MAGEA11: variants seen among roughly 807,000 people sequenced by gnomAD.
MAGEA11 encodes melanoma-associated antigen 11.
In MAGEA11, 1 loss-of-function variant was observed where a neutral mutation model predicts 8.4. The ratio of observed to expected loss-of-function variants is 0.12; its 90% confidence interval spans 0.04 to 0.57. MAGEA11 has a LOEUF of 0.57. Among genes scored for constraint, MAGEA11 ranks in the 20% least tolerant of loss-of-function variants. MAGEA11 has a pLI of 0.91. For synonymous variants in MAGEA11, 127 were observed against 119.3 expected, an observed-to-expected ratio of 1.06 and a Z score of -0.42; for missense variants, 209 against 317.3, an observed-to-expected ratio of 0.66 and a Z score of 2.59.
upstream of MAGEA11, among the ~76,000 whole-genome samples, chrX:149,710,223 G>A (rs2090393818): frequency 8.9e-6 from 1 of 111,958 alleles, no homozygotes; most frequent in Non-Finnish European, 1.9e-5. Context: ...TACCTAACAA[G>A]AAGACTAACA....
chrX:149,690,613 T>C (rs983289020), intron 1 of MAGEA11, among the ~76,000 whole-genome samples: 11 of 112,823 alleles, frequency 9.7e-5, no homozygotes, highest in Admixed American at 2.8e-4. Context: ...AGCCACATCA[T>C]ACATTGCTAT....
At chrX:149,693,872 T>G (rs2090320145) in intron 1 of MAGEA11, among the ~76,000 whole-genome samples, 1 of 112,422 alleles carries the variant, frequency 8.9e-6, no homozygotes, top group African/African-American at 3.2e-5. Flanking sequence ...ATTTTTAAAC[T>G]TCATTCATGT....
intron 1 of MAGEA11, among the ~76,000 whole-genome samples, chrX:149,704,806 A>G (rs2090369524): frequency 8.9e-6 from 1 of 112,502 alleles, no homozygotes; most frequent in Non-Finnish European, 1.9e-5. Flanking sequence ...TTCTCAGCAG[A>G]TTAGATGACT....
At chrX:149,700,884 A>G (rs1395476109) in intron 1 of MAGEA11, among the ~76,000 whole-genome samples, 6 of 105,566 alleles carry the variant, frequency 5.7e-5, no homozygotes, top group Non-Finnish European at 9.7e-5. Flanking sequence ...GTCCCTACAA[A>G]GGACATGAAC....
chrX:149,710,514 A>G (rs2124300183), upstream of MAGEA11, among the ~76,000 whole-genome samples: 1 of 111,745 alleles, frequency 8.9e-6, no homozygotes. Flanking sequence ...AGTGGTGTGA[A>G]CACAGCTCAC....
intron 1 of MAGEA11, among the ~76,000 whole-genome samples, chrX:149,703,170 A>G (rs1489498675): frequency 4.5e-5 from 5 of 112,307 alleles, no homozygotes; most frequent in Admixed American, 1.9e-4. Context: ...TTCTGGGCAC[A>G]TAAGATTGCC....
intron 1 of MAGEA11, among the ~76,000 whole-genome samples, chrX:149,689,290 C>A (rs1290856584): frequency 9.0e-6 from 1 of 111,139 alleles, no homozygotes; most frequent in Admixed American, 9.6e-5. Context: ...CTCTTCTAAT[C>A]TAGTGTGTTC....
intron 1 of MAGEA11, among the ~76,000 whole-genome samples, chrX:149,692,824 C>T (rs1314147254): frequency 1.8e-4 from 20 of 111,750 alleles, no homozygotes; most frequent in East Asian, 1.4e-3. Flanking sequence ...CTGCTGTTCT[C>T]GTGATAGTGA....
At chrX:149,696,572 G>A (rs1298896273) in intron 1 of MAGEA11, among the ~76,000 whole-genome samples, 1 of 110,766 alleles carries the variant, frequency 9.0e-6, no homozygotes, top group Non-Finnish European at 1.9e-5. Flanking sequence ...GATGACCTGG[G>A]GCAAATCCGA....
rs200117328 is a variant in MAGEA11 at position 149,716,356 on chromosome X, C to A, written c.870C>A (p.Val290=). 2.5e-6 allele frequency: 3 copies of A among 1,209,883 alleles called. No homozygotes were observed. The African/African-American group carries it at 5.2e-5, about 21-fold the overall frequency. Residue 290 remains valine, a synonymous_variant, in exon 5 of 5, where the codon GTC becomes GTA. Transcript: ENST00000355220. ...KEVDPTSHSY[V]LVTSLNLSYD... is the part of the protein sequence containing the mutation. Reference sequence around the variant, plus strand: ...TGGACCCCACTAGCCACTCCTATGTCCTTGTCACCTCCCTCAACCTCTCTT... The same window carrying A: ...TGGACCCCACTAGCCACTCCTATGTACTTGTCACCTCCCTCAACCTCTCTT...
At chrX:149,688,916 G>A (rs782651026) in exon 1 of MAGEA11, 147 of 998,394 alleles carry the variant, frequency 1.5e-4, no homozygotes, top group Non-Finnish European at 1.9e-4. Flanking sequence ...ATAGAGGTGG[G>A]TGCTATGCAA....
chrX:149,693,723 G>T (rs191105988), intron 1 of MAGEA11, among the ~76,000 whole-genome samples: 1 of 111,691 alleles, frequency 9.0e-6, no homozygotes, highest in South Asian at 3.8e-4. Context: ...ATCACTTTCC[G>T]TTCCCTCTTC....
chrX:149,696,485 G>T (rs1179671251), intron 1 of MAGEA11, among the ~76,000 whole-genome samples: 1 of 111,238 alleles, frequency 9.0e-6, no homozygotes, highest in Admixed American at 9.5e-5. Context: ...TTGGTTGGGG[G>T]TGCTGGTCTG....
intron 1 of MAGEA11, among the ~76,000 whole-genome samples, chrX:149,698,739 T>A (rs2090339993): frequency 9.0e-6 from 1 of 111,705 alleles, no homozygotes; most frequent in South Asian, 3.9e-4. Flanking sequence ...AAACTCAGCA[T>A]GCATTAGCTA....
rs374773884 is a variant in MAGEA11, at chrX:149,712,769, G to A, written c.-17-374G>A. ...TCTGCCCCCCGCCGCTTAAGCCTCA[G>A]GGGACTGTGGGGTCAGAGCTTGGTG... On this transcript the variant is annotated intron_variant, in intron 1 of 4. Coordinates refer to ENST00000355220, the MANE Select transcript of MAGEA11 (RefSeq NM_005366.5). 9.7e-3 allele frequency among the ~76,000 whole-genome samples: 1,095 copies of A among 112,331 alleles called. 19 individuals are homozygous for A. The highest frequency in any genetic ancestry group is 0.033 in the African/African-American group (1,006 of 30,915).
intron 1 of MAGEA11, among the ~76,000 whole-genome samples, chrX:149,702,515 A>G (rs2090358805): frequency 9.0e-6 from 1 of 110,928 alleles, no homozygotes; most frequent in African/African-American, 3.3e-5. Context: ...CTTGTATGAT[A>G]TATCTTTTCC....
intron 1 of MAGEA11, among the ~76,000 whole-genome samples, chrX:149,693,561 C>T (rs781915381): frequency 6.3e-5 from 7 of 111,790 alleles, no homozygotes; most frequent in Non-Finnish European, 1.1e-4. Context: ...TGTCAGTTTG[C>T]TTTCTTTTTT....
At chrX:149,715,515 T>G in intron 3 of MAGEA11, 89 bp from the exon 4 acceptor site, 1 of 615,670 alleles carries the variant, frequency 1.6e-6, no homozygotes, top group Non-Finnish European at 2.7e-6. Flanking sequence ...ACCCCCAGCT[T>G]GCAACCTCAC....
Position 149,714,593 on chromosome X carries a change from A to C in MAGEA11, c.192+17A>C, listed in dbSNP as rs781883294. On this transcript the variant is annotated intron_variant, in intron 3 of 4. Coordinates refer to ENST00000355220, the MANE Select transcript of MAGEA11 (RefSeq NM_005366.5). Reference sequence around the variant, plus strand: ...AGAGTCCAGGTGAGAAACCTGAGGGAGGATTGAGGGTTCCTCCTGGCCAGA... The same window carrying C: ...AGAGTCCAGGTGAGAAACCTGAGGGCGGATTGAGGGTTCCTCCTGGCCAGA... 4.6e-5 allele frequency: 55 copies of C among 1,203,945 alleles called. No individual in the cohort carries two copies. The East Asian group carries it at 9.8e-4, about 21-fold the overall frequency.
Sources: gnomAD v4.1 joint callset for allele counts (sites outside exome capture counted in the v4.1 genomes callset) on GRCh38, gnomAD v4.1.1 for gene constraint, MANE v1.5 for transcripts, NCBI Gene and HGNC (gene_info 2026-07-23, HGNC 2026-07-21) for gene names.